The following AGPAT3 variants were observed in gnomAD, a reference collection of about 807,000 sequenced individuals.
The protein encoded by AGPAT3 is 1-acylglycerol-3-phosphate O-acyltransferase 3.
In AGPAT3, 5 loss-of-function variants were observed where a neutral mutation model predicts 47.3. The observed-to-expected ratio is 0.11, with a 90% CI of 0.06 to 0.22. The LOEUF (loss-of-function observed/expected upper bound fraction) is 0.22, where lower values mean the gene tolerates loss of function less well. Among genes scored for constraint, AGPAT3 ranks in the 10% least tolerant of loss-of-function variants. AGPAT3 has a pLI of 1.00. For missense variants in AGPAT3, 315 were observed against 493.0 expected (o/e 0.64, Z 3.42); for synonymous variants, 212 against 208.3 (o/e 1.02, Z -0.15).
At chr21:43,965,730 C>A (rs1341992224) in intron 3 of AGPAT3, 1 of 152,130 alleles carries the variant, frequency 6.6e-6, no homozygotes, top group Non-Finnish European at 1.5e-5. Flanking sequence ...CGTGCCCCAG[C>A]CTCCCAAGTA....
At chr21:43,964,537 AAG>A (rs1569097336) in intron 3 of AGPAT3, among the ~76,000 whole-genome samples, 1 of 152,160 alleles carries the variant, frequency 6.6e-6, no homozygotes, top group Non-Finnish European at 1.5e-5. Context: ...GGTAGGAAAA[AAG>A]AGAGATCAAA....
chr21:43,882,412 C>T (rs1162390615), intron 1 of AGPAT3: 1 of 152,272 alleles, frequency 6.6e-6, no homozygotes. Flanking sequence ...TGAAGTGGTC[C>T]CTGTTGGCTC....
At chr21:43,967,899 C>T in intron 3 of AGPAT3, 47 bp from the exon 4 acceptor site, 1 of 1,588,674 alleles carries the variant, frequency 6.3e-7, no homozygotes, top group Non-Finnish European at 8.6e-7. Context: ...CTGACCATCC[C>T]AGGAGGAGGG....
At chr21:43,874,864 CCACTA>C (rs1237146889) in intron 1 of AGPAT3, among the ~76,000 whole-genome samples, 1 of 152,182 alleles carries the variant, frequency 6.6e-6, no homozygotes, top group African/African-American at 2.4e-5. Context: ...TCTGCGGTAT[CCACTA>C]GGGATTGGTT....
Position 43,985,274 on chromosome 21 carries a change from G to A in AGPAT3, c.*2882G>A, listed in dbSNP as rs577462819. 2.9e-5 allele frequency: 13 copies of A among 455,510 alleles called. No individual in the cohort carries two copies. Among genetic ancestry groups the A allele is most frequent in the African/African-American group, 2.2e-4 (11 of 50,164 alleles). 28.2% of individuals were successfully genotyped at this position (455,510 alleles called of 1,614,324 possible). A position where few individuals can be genotyped will look rare whatever the true frequency, so the allele number is the denominator to read the frequency against. Reference sequence around the variant, plus strand: ...GGTACTCGGCGACAGTGTACCAGACGCGCACCCTATGTGAGGTGCTTTAAG... The same window carrying A: ...GGTACTCGGCGACAGTGTACCAGACACGCACCCTATGTGAGGTGCTTTAAG... On this transcript the variant is annotated 3_prime_UTR_variant, in exon 10 of 10. Transcript: ENST00000291572.
chr21:43,910,644 C>T (rs2086611855), intron 2 of AGPAT3, among the ~76,000 whole-genome samples: 1 of 152,152 alleles, frequency 6.6e-6, no homozygotes, highest in Non-Finnish European at 1.5e-5. Context: ...GTGTTCCGGT[C>T]ACTGCAGTTC....
intron 1 of AGPAT3, among the ~76,000 whole-genome samples, chr21:43,898,818 C>T (rs1039798044): frequency 7.9e-5 from 12 of 152,316 alleles, no homozygotes; most frequent in African/African-American, 2.4e-4. Context: ...TGAGCCACCA[C>T]ACCCAGCCTG....
chr21:43,979,853 G>A (rs1338801158), intron 8 of AGPAT3, among the ~76,000 whole-genome samples: 1 of 152,240 alleles, frequency 6.6e-6, no homozygotes, highest in African/African-American at 2.4e-5. Context: ...CGGACACAGT[G>A]TGTGGCTGGC....
chr21:43,955,179 G>A lies in AGPAT3; in HGVS notation c.-48-4455G>A. On this transcript the variant is annotated intron_variant, in intron 2 of 9. Transcript: ENST00000291572. The surrounding 1 kb of genome is among the most constrained non-coding windows in gnomAD (Gnocchi z 4.1). ...GTGCTGTCCCGGGGCCGTCTCAGAA[G>A]CACCGCGCTGGACCGGCTGGGCCAG... 1 of 1,273,216 alleles carries A rather than the reference G, an allele frequency of 7.9e-7. No homozygotes were observed. Among genetic ancestry groups the A allele is most frequent in the East Asian group, 5.9e-5 (1 of 16,992 alleles). 78.9% of individuals were successfully genotyped at this position (1,273,216 alleles called of 1,614,324 possible). A position where few individuals can be genotyped will look rare whatever the true frequency, so the allele number is the denominator to read the frequency against.
At chr21:43,943,617 G>A (rs1448867330) in intron 2 of AGPAT3, among the ~76,000 whole-genome samples, 1 of 152,162 alleles carries the variant, frequency 6.6e-6, no homozygotes, top group South Asian at 2.1e-4. Context: ...GCCAGGCCAC[G>A]CTGAGAGTCT....
At chr21:43,956,541 C>T (rs2088476155) in intron 2 of AGPAT3, among the ~76,000 whole-genome samples, 1 of 152,230 alleles carries the variant, frequency 6.6e-6, no homozygotes, top group African/African-American at 2.4e-5. Flanking sequence ...CTTGTCTTTT[C>T]TGTCCTTTCT....
chr21:43,924,268 G>A (rs1016419262), intron 2 of AGPAT3, among the ~76,000 whole-genome samples: 11 of 151,280 alleles, frequency 7.3e-5, no homozygotes, highest in East Asian at 1.9e-4. Flanking sequence ...CTCGTGACCC[G>A]CCCGCCTCGG....
At chr21:43,896,042 A>G (rs1275038530) in intron 1 of AGPAT3, among the ~76,000 whole-genome samples, 1 of 152,208 alleles carries the variant, frequency 6.6e-6, no homozygotes, top group African/African-American at 2.4e-5. Context: ...TGCCGAGATT[A>G]CAGGCATGAG....
chr21:43,954,109 C>G lies in AGPAT3; in HGVS notation c.-48-5525C>G, dbSNP rs1246241331. Among the ~76,000 whole-genome samples the G allele has an allele frequency of 6.6e-6, 1 of 152,264 alleles. No homozygotes were observed. The highest frequency in any genetic ancestry group is 2.4e-5 in the African/African-American group (1 of 41,480). On this transcript the variant is annotated intron_variant, in intron 2 of 9. Coordinates refer to ENST00000291572, the MANE Select transcript of AGPAT3 (RefSeq NM_020132.5). This position sits in a 1 kb window ranked among gnomAD's most constrained non-coding sequence, Gnocchi z 4.0. ...TCTCATGGGCTCACGAGCAAATGCT[C>G]TAGGGGGCCACTGAGTCCAGGCCCC...
At chr21:43,888,053 A>G (rs992073566) in intron 1 of AGPAT3, among the ~76,000 whole-genome samples, 2 of 152,108 alleles carry the variant, frequency 1.3e-5, no homozygotes, top group Admixed American at 6.5e-5. Context: ...TTGTTTGTTT[A>G]TTTTTGAGAC....
chr21:43,906,266 G>A (rs1293058505), intron 2 of AGPAT3, among the ~76,000 whole-genome samples: 1 of 152,128 alleles, frequency 6.6e-6, no homozygotes, highest in Non-Finnish European at 1.5e-5. Context: ...GGCATGCCAC[G>A]TATCACTTTT....
intron 1 of AGPAT3, among the ~76,000 whole-genome samples, chr21:43,887,747 C>G (rs756232442): frequency 2.6e-5 from 4 of 152,246 alleles, no homozygotes; most frequent in African/African-American, 9.6e-5. Context: ...CTCCACCTCT[C>G]AGACTCAAGT....
At chr21:43,866,001 G>A (rs2085497836) in intron 1 of AGPAT3, among the ~76,000 whole-genome samples, 1 of 152,118 alleles carries the variant, frequency 6.6e-6, no homozygotes, top group Non-Finnish European at 1.5e-5. Context: ...CAGTCCGGGG[G>A]CAAGAGCCGT....
intron 2 of AGPAT3, among the ~76,000 whole-genome samples, chr21:43,914,069 G>A (rs2086681427): frequency 6.6e-6 from 1 of 152,170 alleles, no homozygotes. Flanking sequence ...TGACCTCAGA[G>A]GCCACGGCTG....
Sources: gnomAD v4.1 joint callset for allele counts (sites outside exome capture counted in the v4.1 genomes callset) on GRCh38, gnomAD v4.1.1 for gene constraint, Gnocchi (gnomAD v3.1) non-coding constraint, MANE v1.5 for transcripts, NCBI Gene and HGNC (gene_info 2026-07-23, HGNC 2026-07-21) for gene names.